SORCS2: variants seen among roughly 807,000 people sequenced by gnomAD.
SORCS2 encodes VPS10 domain-containing receptor SorCS2.
SORCS2 carries 100 observed loss-of-function variants against 141.6 expected under a neutral mutation model. The observed-to-expected ratio is 0.71, with a 90% CI of 0.60 to 0.83. The LOEUF (loss-of-function observed/expected upper bound fraction) is 0.83, where lower values mean the gene tolerates loss of function less well. Among genes scored for constraint, SORCS2 ranks in the 40% least tolerant of loss-of-function variants. The probability of loss-of-function intolerance (pLI) is 0.00; values close to 1 mark genes in which losing one functional copy is unlikely to be tolerated. For missense variants in SORCS2, 1,646 were observed against 1,560.2 expected (o/e 1.05, Z -0.93); for synonymous variants, 789 against 676.9 (o/e 1.17, Z -2.57).
intron 8 of SORCS2, among the ~76,000 whole-genome samples, chr4:7,670,596 C>T (rs749565944): frequency 8.5e-5 from 13 of 152,242 alleles, no homozygotes; most frequent in East Asian, 7.7e-4. Flanking sequence ...TAGAAGGCAA[C>T]GACACGGGCA....
chr4:7,625,963 A>G (rs1048164875), intron 3 of SORCS2, among the ~76,000 whole-genome samples: 1 of 151,738 alleles, frequency 6.6e-6, no homozygotes, highest in African/African-American at 2.4e-5. Flanking sequence ...ATGTAGGGAG[A>G]CCCTGTCTCT....
At chr4:7,678,351 A>G (rs1361755998) in intron 9 of SORCS2, among the ~76,000 whole-genome samples, 1 of 151,520 alleles carries the variant, frequency 6.6e-6, no homozygotes, top group Non-Finnish European at 1.5e-5. Flanking sequence ...ACCGTCCACC[A>G]GCTGGGTGCC....
intron 1 of SORCS2, among the ~76,000 whole-genome samples, chr4:7,323,775 C>A (rs1719056409): frequency 6.6e-6 from 1 of 152,070 alleles, no homozygotes; most frequent in Non-Finnish European, 1.5e-5. Context: ...CCCAGTTTCC[C>A]CTCCACCCCC....
intron 1 of SORCS2, among the ~76,000 whole-genome samples, chr4:7,258,225 T>G (rs1400503554): frequency 6.6e-6 from 1 of 152,232 alleles, no homozygotes; most frequent in African/African-American, 2.4e-5. Context: ...GGTACACATA[T>G]GCCATGGTGG....
At chr4:7,538,587 T>TCACACA (rs34526550) in intron 3 of SORCS2, among the ~76,000 whole-genome samples, 41 of 150,686 alleles carry the variant, frequency 2.7e-4, no homozygotes, top group South Asian at 8.5e-4. Context: ...AATATTAAAA[T>TCACACA]CACACACACA....
chr4:7,678,931 C>T (rs1400462440), intron 9 of SORCS2, among the ~76,000 whole-genome samples: 1 of 152,164 alleles, frequency 6.6e-6, no homozygotes, highest in African/African-American at 2.4e-5. Context: ...CACAGGGTTG[C>T]TGTGAGGTTT....
intron 9 of SORCS2, among the ~76,000 whole-genome samples, chr4:7,680,395 G>A (rs1169500022): frequency 9.9e-5 from 15 of 152,266 alleles, no homozygotes; most frequent in Admixed American, 9.8e-4. Flanking sequence ...GGAGTCCTGG[G>A]TTTCTGCAGG....
At chr4:7,533,582 G>C (rs549369034) in intron 3 of SORCS2, among the ~76,000 whole-genome samples, 1 of 152,336 alleles carries the variant, frequency 6.6e-6, no homozygotes, top group Admixed American at 6.5e-5. Context: ...GGGTCCACAG[G>C]CACCTGGGAT....
At chr4:7,301,345 G>A (rs559496681) in intron 1 of SORCS2, among the ~76,000 whole-genome samples, 3 of 152,350 alleles carry the variant, frequency 2.0e-5, no homozygotes, top group Admixed American at 1.3e-4. Context: ...TGCCGAGGAG[G>A]TGCTGAAGCC....
At chr4:7,614,368 C>A (rs1391912532) in intron 3 of SORCS2, among the ~76,000 whole-genome samples, 1 of 151,642 alleles carries the variant, frequency 6.6e-6, no homozygotes, top group Admixed American at 6.6e-5. Flanking sequence ...ACCATGAATC[C>A]ATCCACCCAT....
chr4:7,474,603 C>G (rs11736984), intron 2 of SORCS2, among the ~76,000 whole-genome samples: 19,652 of 152,066 alleles, frequency 0.13, 1,674 homozygotes, highest in South Asian at 0.25. Context: ...GGGCCCAGTT[C>G]GGAAGCCCAG....
intron 11 of SORCS2, among the ~76,000 whole-genome samples, chr4:7,692,746 CTG>C: frequency 6.6e-6 from 1 of 152,328 alleles, no homozygotes; most frequent in African/African-American, 2.4e-5. Context: ...TGGATTGAGT[CTG>C]CTGGGCAAAT....
chr4:7,420,235 C>T (rs1442888845), intron 2 of SORCS2, among the ~76,000 whole-genome samples: 1 of 152,232 alleles, frequency 6.6e-6, no homozygotes, highest in East Asian at 1.9e-4. Flanking sequence ...TGCAGCAACG[C>T]CAGTTTTGGA....
In SORCS2 at chr4:7,426,943, G is replaced by A. The variant is rs550356670; in HGVS notation, c.548+30588G>A. Among the ~76,000 whole-genome samples the A allele has an allele frequency of 3.3e-5, 5 of 152,224 alleles. No individual in the cohort carries two copies. The East Asian group carries it at 5.8e-4, about 18-fold the overall frequency. On this transcript the variant is annotated intron_variant, in intron 2 of 26. Transcript: ENST00000507866. ...AACAGTGGGGGATGTGTTTTGGAGC[G>A]ATGGGGCCCTGAGGACAGGCTTCCT...
intron 2 of SORCS2, among the ~76,000 whole-genome samples, chr4:7,461,666 C>G (rs4393998): frequency 1.3e-5 from 2 of 151,902 alleles, no homozygotes; most frequent in Non-Finnish European, 2.9e-5. Flanking sequence ...GAAAACCCAG[C>G]GAGGAGCTCT....
rs1402973845 is a variant in SORCS2, at chr4:7,193,636, C to G, written c.480+510C>G. Reference sequence around the variant, plus strand: ...TCAGCTCGAATCCTGTTCTGGGACTCTGGGATTTCTGGGTTACCCCTCTCC... The same window carrying G: ...TCAGCTCGAATCCTGTTCTGGGACTGTGGGATTTCTGGGTTACCCCTCTCC... On this transcript the variant is annotated intron_variant, in intron 1 of 26. Transcript: ENST00000507866. The surrounding 1 kb of genome is among the most constrained non-coding windows in gnomAD (Gnocchi z 4.8). Among the ~76,000 whole-genome samples, 1 of 152,206 alleles carries G rather than the reference C, an allele frequency of 6.6e-6. No homozygotes were observed. Among genetic ancestry groups the G allele is most frequent in the Non-Finnish European group, 1.5e-5 (1 of 68,024 alleles).
chr4:7,219,984 T>G (rs1169957341), intron 1 of SORCS2, among the ~76,000 whole-genome samples: 3 of 152,224 alleles, frequency 2.0e-5, no homozygotes, highest in African/African-American at 7.2e-5. Flanking sequence ...TTGCTGGATT[T>G]AAGAGGCCAG....
intron 1 of SORCS2, among the ~76,000 whole-genome samples, chr4:7,358,153 A>G (rs1235402363): frequency 6.6e-6 from 1 of 152,234 alleles, no homozygotes; most frequent in Non-Finnish European, 1.5e-5. Context: ...TCCTAACAGC[A>G]GTGTAATTTC....
At chr4:7,197,584 A>G (rs972575112) in intron 1 of SORCS2, among the ~76,000 whole-genome samples, 1 of 152,190 alleles carries the variant, frequency 6.6e-6, no homozygotes, top group Non-Finnish European at 1.5e-5. Context: ...GAGATGGAGA[A>G]CATTCCAGAA....
Sources: allele counts gnomAD v4.1 joint callset (sites outside exome capture counted in the v4.1 genomes callset), GRCh38; gene constraint gnomAD v4.1.1; non-coding constraint Gnocchi (gnomAD v3.1); transcripts MANE v1.5; gene names NCBI Gene and HGNC (gene_info 2026-07-23, HGNC 2026-07-21).